Variants in RBM24 observed in about 807,000 individuals in gnomAD.
The protein encoded by RBM24 is RNA binding motif protein 24, also known as RNA-binding protein 24.
A neutral mutation model predicts 23.6 loss-of-function variants in RBM24; 5 were observed. That is an observed-to-expected ratio of 0.21 (90% confidence interval 0.11 to 0.45). The LOEUF is 0.45. Ranked by LOEUF, RBM24 falls within the 20% of genes least tolerant of loss-of-function variation. The pLI is 0.99. For missense variants in RBM24, 252 were observed against 314.6 expected (o/e 0.80, Z 1.51); for synonymous variants, 151 against 129.5 (o/e 1.17, Z -1.13).
chr6:17,287,682 C>T (rs562692471), intron 3 of RBM24, among the ~76,000 whole-genome samples: 3 of 152,004 alleles, frequency 2.0e-5, no homozygotes, highest in Admixed American at 6.6e-5. Context: ...TGGTGGTGGG[C>T]GCCTGTAGTC....
Position 17,293,539 on chromosome 6 carries a change from T to G in RBM24, c.*1420T>G, listed in dbSNP as rs1203847854. The G allele has an allele frequency of 6.6e-6, 1 of 151,876 alleles. No individual in the cohort carries two copies. Among genetic ancestry groups the G allele is most frequent in the East Asian group, 2.0e-4 (1 of 5,088 alleles). The allele number at this position is 151,876 out of a possible 1,614,324, so 9.4% of individuals were successfully genotyped here. On this transcript the variant is annotated 3_prime_UTR_variant, in exon 4 of 4. Transcript: ENST00000379052. ...ATTTCATTTATTGGTAATTCATTAG[T>G]TTAACACTATTATGTAGTTTTTAAA...
chr6:17,287,427 A>G (rs1241784801), intron 3 of RBM24, among the ~76,000 whole-genome samples: 1 of 152,196 alleles, frequency 6.6e-6, no homozygotes, highest in African/African-American at 2.4e-5. Context: ...TTGCTAAACA[A>G]TATTTTATAG....
intron 1 of RBM24, 39 bp from the exon 2 acceptor site, chr6:17,282,766 G>A (rs750445887): frequency 2.5e-6 from 4 of 1,609,624 alleles, no homozygotes; most frequent in South Asian, 2.2e-5. Flanking sequence ...GGTTAATTTA[G>A]AGGTTATGTA....
At chr6:17,286,886 A>G (rs1341324064) in intron 3 of RBM24, among the ~76,000 whole-genome samples, 4 of 152,242 alleles carry the variant, frequency 2.6e-5, no homozygotes, top group African/African-American at 9.6e-5. Flanking sequence ...GGAAGTCCTT[A>G]TAGATCAGTT....
At chr6:17,288,969 G>C in intron 3 of RBM24, 2 of 985,354 alleles carry the variant, frequency 2.0e-6, no homozygotes, top group Non-Finnish European at 2.4e-6. Context: ...AAACCGATTA[G>C]GATATTGCTT....
rs780849658 is a variant in RBM24, at chr6:17,282,812, T to A, written c.176T>A (p.Met59Lys). ...GKSRGYGFVT[M>K]ADRAAAERAC... ...TGTGTGTCTGTTGCTAAGGTCACCA[T>A]GGCTGACCGGGCTGCTGCCGAAAGG... The change falls in exon 2 of 4, where the codon ATG (methionine) becomes AAG (lysine). Residue 59 changes from methionine to lysine, a missense_variant. Met to Lys is a moderately conservative substitution (Grantham distance 95). Transcript: ENST00000379052. 1 of 1,613,846 alleles carries A rather than the reference T, an allele frequency of 6.2e-7. No homozygotes were observed. The highest frequency in any genetic ancestry group is 2.2e-5 in the East Asian group (1 of 44,892).
In RBM24 at chr6:17,293,510, G is replaced by A. The variant is rs1760433107; in HGVS notation, c.*1391G>A. 6.6e-6 allele frequency: 1 copy of A among 152,326 alleles called. No individual in the cohort carries two copies. Among genetic ancestry groups the A allele is most frequent in the African/African-American group, 2.4e-5 (1 of 41,362 alleles). 9.4% of individuals were successfully genotyped at this position (152,326 alleles called of 1,614,324 possible). A position where few individuals can be genotyped will look rare whatever the true frequency, so the allele number is the denominator to read the frequency against. ...TGCTTCCTCCTCTGATTTTGCCTGT[G>A]TAGATTTCATTTATTGGTAATTCAT... On this transcript the variant is annotated 3_prime_UTR_variant, in exon 4 of 4. Coordinates refer to ENST00000379052, the MANE Select transcript of RBM24 (RefSeq NM_001143942.2).
chr6:17,288,944 A>G (rs1760275174), intron 3 of RBM24: 5 of 985,424 alleles, frequency 5.1e-6, no homozygotes, highest in Non-Finnish European at 6.0e-6. Flanking sequence ...TTGCTGTGAG[A>G]TAGATTGGAA....
chr6:17,289,128 A>G, intron 3 of RBM24: 1 of 985,460 alleles, frequency 1.0e-6, no homozygotes, highest in Non-Finnish European at 1.2e-6. Context: ...ACTGCTAGGC[A>G]TGCACGTTTT....
In RBM24 at chr6:17,292,053, A is replaced by G; in HGVS notation, c.645A>G (p.Ala215=). 1.9e-6 allele frequency: 3 copies of G among 1,594,068 alleles called. No homozygotes were observed. Among genetic ancestry groups the G allele is most frequent in the Admixed American group, 1.7e-5 (1 of 59,568 alleles). Residue 215 remains alanine (A), a synonymous_variant, in exon 4 of 4, where the codon GCA becomes GCG. Transcript: ENST00000379052. ...GGACAGCTGCCGCCGCCGCTGCAGC[A>G]GCTGCTGCCGCTGCAGCATTTGGCC... ...APGTAAAAAA[A]AAAAAAFGQY...
In RBM24 at chr6:17,281,683, C is replaced by T. The variant is rs2113391431; in HGVS notation, c.102C>T (p.Phe34=). ...GCCTGCGCAAGTACTTCGAGGTCTT[C>T]GGCGAGATCGAGGAGGCGGTGGTCA... ...DASLRKYFEV[F]GEIEEAVVIT... is the part of the protein sequence containing the mutation. The change falls in exon 1 of 4, where the codon TTC becomes TTT. Residue 34 remains phenylalanine (F), a synonymous_variant. Coordinates refer to ENST00000379052, the MANE Select transcript of RBM24 (RefSeq NM_001143942.2). This position sits in a 1 kb window ranked among gnomAD's most constrained non-coding sequence, Gnocchi z 7.1. 6.4e-7 allele frequency: 1 copy of T among 1,551,834 alleles called. No homozygotes were observed. Among genetic ancestry groups the T allele is most frequent in the East Asian group, 2.4e-5 (1 of 40,944 alleles).
At position 17,293,527 on chromosome 6, in the gene RBM24, G is replaced by T. The variant is rs1394077676; in HGVS notation, c.*1408G>T. On this transcript the variant is annotated 3_prime_UTR_variant, in exon 4 of 4. Coordinates refer to ENST00000379052, the MANE Select transcript of RBM24 (RefSeq NM_001143942.2). ...TTGCCTGTGTAGATTTCATTTATTG[G>T]TAATTCATTAGTTTAACACTATTAT... 6.6e-6 allele frequency: 1 copy of T among 151,394 alleles called. No individual in the cohort carries two copies. Among genetic ancestry groups the T allele is most frequent in the East Asian group, 2.0e-4 (1 of 5,096 alleles). The allele number at this position is 151,394 out of a possible 1,614,324, so 9.4% of individuals were successfully genotyped here.
At chr6:17,289,760 G>C in intron 3 of RBM24, 7 of 1,062,468 alleles carry the variant, frequency 6.6e-6, no homozygotes, top group Non-Finnish European at 8.0e-6. Context: ...GGAAACCCTT[G>C]TCGCATGACA....
intron 3 of RBM24, 125 bp from the exon 4 acceptor site, chr6:17,291,631 A>G: frequency 3.8e-6 from 4 of 1,059,166 alleles, no homozygotes; most frequent in Non-Finnish European, 5.5e-6. Context: ...GGACCACTAG[A>G]AAGTAGATAT....
chr6:17,282,124 G>A (rs2113392415), intron 1 of RBM24: 8 of 1,216,944 alleles, frequency 6.6e-6, no homozygotes, highest in East Asian at 5.5e-5. Context: ...GTAAAAATGC[G>A]TGTGTTCTGG....
intron 3 of RBM24, chr6:17,289,114 T>G (rs746914114): frequency 1.0e-4 from 103 of 985,364 alleles, no homozygotes; most frequent in Non-Finnish European, 1.1e-4. Flanking sequence ...TTGTGCTTTT[T>G]GTAACTGCTA....
Position 17,281,878 on chromosome 6 carries a change from CGCTCCGGGGTGAACTGAAACTTT to C in RBM24, c.168+133_168+155del. ...CGCGGGTAGAGCGGCGCTGCCCCTT[CGCTCCGGGGTGAACTGAAACTTT>C]GCTAGGGGAGAGGGTCGGCGCCAGC... On this transcript the variant is annotated intron_variant, in intron 1 of 3. Coordinates refer to ENST00000379052, the MANE Select transcript of RBM24 (RefSeq NM_001143942.2). The surrounding 1 kb of genome is among the most constrained non-coding windows in gnomAD (Gnocchi z 7.1). The C allele has an allele frequency of 7.3e-7, 1 of 1,368,292 alleles. No homozygotes were observed. The highest frequency in any genetic ancestry group is 9.9e-7 in the Non-Finnish European group (1 of 1,005,212). The allele number at this position is 1,368,292 out of a possible 1,614,324, so 84.8% of individuals were successfully genotyped here.
At chr6:17,283,196 A>T (rs1760083254) in intron 2 of RBM24, 1 of 407,402 alleles carries the variant, frequency 2.5e-6, no homozygotes, top group Non-Finnish European at 4.5e-6. Flanking sequence ...CCTATATGGC[A>T]TACATTTGTA....
At chr6:17,291,630 G>T in intron 3 of RBM24, 126 bp from the exon 4 acceptor site, 1 of 1,055,928 alleles carries the variant, frequency 9.5e-7, no homozygotes, top group Non-Finnish European at 1.4e-6. Context: ...TGGACCACTA[G>T]AAAGTAGATA....
Sources: gnomAD v4.1 joint callset for allele counts (sites outside exome capture counted in the v4.1 genomes callset) on GRCh38, gnomAD v4.1.1 for gene constraint, Gnocchi (gnomAD v3.1) non-coding constraint, MANE v1.5 for transcripts, NCBI Gene and HGNC (gene_info 2026-07-23, HGNC 2026-07-21) for gene names.